The following GPR160 variants were observed in gnomAD, a reference collection of about 807,000 sequenced individuals.
GPR160 encodes the protein G protein-coupled receptor 160.
Under a neutral mutation model 2.6 loss-of-function variants are expected in GPR160, and 2 were observed. The observed-to-expected ratio is 0.77, with a 90% CI of 0.32 to 2.44. The LOEUF is 2.44. Ranked by LOEUF, GPR160 falls within the 30% of genes most tolerant of loss-of-function variation. GPR160 has a pLI of 0.11. For synonymous variants in GPR160, 130 were observed against 132.2 expected, an observed-to-expected ratio of 0.98 and a Z score of 0.12; for missense variants, 351 against 383.6, an observed-to-expected ratio of 0.91 and a Z score of 0.71.
chr3:170,050,171 T>C (rs1003159009), intron 2 of GPR160, among the ~76,000 whole-genome samples: 1 of 151,866 alleles, frequency 6.6e-6, no homozygotes, highest in Non-Finnish European at 1.5e-5. Context: ...GTGATTCTCC[T>C]GCCTCAGCCT....
chr3:170,077,504 C>G (rs999986758), intron 2 of GPR160: 8 of 152,092 alleles, frequency 5.3e-5, no homozygotes, highest in Admixed American at 2.6e-4. Flanking sequence ...ATAAGCTGAA[C>G]GCAGCTGTTC....
chr3:170,045,443 A>AC (rs200059747), intron 2 of GPR160, among the ~76,000 whole-genome samples: 7 of 131,472 alleles, frequency 5.3e-5, no homozygotes, highest in African/African-American at 2.4e-4. Context: ...AAAAAAAAAA[A>AC]AAAACCAATT....
At chr3:170,046,035 A>G (rs1716706796) in intron 2 of GPR160, among the ~76,000 whole-genome samples, 1 of 152,112 alleles carries the variant, frequency 6.6e-6, no homozygotes. Context: ...GTTAGCTATT[A>G]TTATTGTTGT....
At chr3:170,067,193 C>T (rs1408269290) in intron 2 of GPR160, among the ~76,000 whole-genome samples, 1 of 152,058 alleles carries the variant, frequency 6.6e-6, no homozygotes, top group Non-Finnish European at 1.5e-5. Context: ...TTAGTAGAGA[C>T]AGGATATTGC....
intron 2 of GPR160, among the ~76,000 whole-genome samples, chr3:170,044,021 A>G (rs550433269): frequency 2.2e-4 from 33 of 151,854 alleles, no homozygotes; most frequent in Admixed American, 2.1e-3. Context: ...CTCTACCCCA[A>G]ATGGAATAAC....
chr3:170,055,284 A>C (rs1711579423), intron 2 of GPR160, among the ~76,000 whole-genome samples: 1 of 152,194 alleles, frequency 6.6e-6, no homozygotes, highest in African/African-American at 2.4e-5. Context: ...ACCCCGGCTG[A>C]TTGGGTCCTG....
At chr3:170,052,473 A>C (rs1374931590) in intron 2 of GPR160, among the ~76,000 whole-genome samples, 3 of 152,216 alleles carry the variant, frequency 2.0e-5, no homozygotes, top group Non-Finnish European at 2.9e-5. Flanking sequence ...CTTTATCCTG[A>C]TAACTAATGA....
intron 2 of GPR160, among the ~76,000 whole-genome samples, chr3:170,061,909 G>A (rs868253797): frequency 6.6e-6 from 1 of 152,164 alleles, no homozygotes; most frequent in Non-Finnish European, 1.5e-5. Context: ...AGCACTTTGG[G>A]AGGCGGAGGT....
Position 170,050,513 on chromosome 3 carries a change from TCTC to T in GPR160, c.-193+11473_-193+11475del, listed in dbSNP as rs529679251. On this transcript the variant is annotated intron_variant, in intron 2 of 3. Transcript: ENST00000355897. ...CCTCCACCTGCCAGGTTCAAGTAAT[TCTC>T]CTGCCTCAGCCTCCCAAGCAGCTGG... Among the ~76,000 whole-genome samples the T allele has an allele frequency of 1.2e-4, 19 of 152,094 alleles. No individual in the cohort carries two copies. The East Asian group carries it at 2.9e-3, about 23-fold the overall frequency.
In GPR160 at chr3:170,084,024, A is replaced by T; in HGVS notation, c.52A>T (p.Thr18Ser). The change falls in exon 4 of 4, where the codon ACA becomes TCA. Residue 18 changes from threonine to serine, a missense_variant. Coordinates refer to ENST00000355897, the MANE Select transcript of GPR160 (RefSeq NM_014373.3). ...CTCTTTTCAGTACCAGTTACGTCAA[A>T]CAAACCAGCCCCTAGATGTTAACTA... ...NCSFQYQLRQ[T>S]NQPLDVNYLL... is the part of the protein sequence containing the mutation. The T allele has an allele frequency of 6.4e-7, 1 of 1,561,572 alleles. No individual in the cohort carries two copies. Among genetic ancestry groups the T allele is most frequent in the Non-Finnish European group, 8.6e-7 (1 of 1,160,500 alleles).
chr3:170,055,482 T>TG (rs1205204769), intron 2 of GPR160, among the ~76,000 whole-genome samples: 2 of 151,758 alleles, frequency 1.3e-5, no homozygotes, highest in Admixed American at 1.3e-4. Flanking sequence ...GGATGGAGAG[T>TG]GGGGTCTCAG....
intron 3 of GPR160, among the ~76,000 whole-genome samples, chr3:170,082,973 G>GT (rs34311852): frequency 0.24 from 32,436 of 136,210 alleles, 4,034 homozygotes; most frequent in East Asian, 0.48. Flanking sequence ...CATTTTTGGG[G>GT]TTTTTTTTTT....
intron 2 of GPR160, among the ~76,000 whole-genome samples, chr3:170,070,909 A>T (rs1214617469): frequency 6.6e-6 from 1 of 152,172 alleles, no homozygotes; most frequent in South Asian, 2.1e-4. Context: ...AAGTTAAAAC[A>T]CTCATTTTTA....
At chr3:170,066,130 C>CTTTTTTTTTTTTTTTTTTTTT (rs768660597) in intron 2 of GPR160, among the ~76,000 whole-genome samples, 6 of 85,170 alleles carry the variant, frequency 7.0e-5, no homozygotes, top group African/African-American at 1.5e-4. Context: ...TTTTCTTTTT[C>CTTTTTTTTTTTTTTTTTTTTT]TTTTTTTTTT....
intron 2 of GPR160, among the ~76,000 whole-genome samples, chr3:170,044,379 A>C (rs1448913786): frequency 1.3e-5 from 2 of 150,618 alleles, no homozygotes; most frequent in African/African-American, 4.9e-5. Context: ...CCTTTGAGGA[A>C]ATGAGAGTCT....
intron 2 of GPR160, among the ~76,000 whole-genome samples, chr3:170,042,884 CT>C (rs200374138): frequency 0.44 from 55,005 of 123,980 alleles, 12,043 homozygotes; most frequent in East Asian, 0.73. Flanking sequence ...TCTTCACACA[CT>C]TTTTTTTTTT....
chr3:170,041,802 T>C (rs1362325208), intron 2 of GPR160, among the ~76,000 whole-genome samples: 2 of 152,200 alleles, frequency 1.3e-5, no homozygotes, highest in Non-Finnish European at 2.9e-5. Flanking sequence ...AACTTTATTT[T>C]ATACCTCAGT....
chr3:170,052,352 T>C (rs1716995036), intron 2 of GPR160, among the ~76,000 whole-genome samples: 1 of 152,242 alleles, frequency 6.6e-6, no homozygotes, highest in African/African-American at 2.4e-5. Flanking sequence ...AACAGCAGCG[T>C]ATAGGAGTTC....
chr3:170,062,619 C>A, intron 2 of GPR160: 1 of 1,351,958 alleles, frequency 7.4e-7, no homozygotes, highest in Non-Finnish European at 1.0e-6. Context: ...CTTCCAAAAC[C>A]TCCGGCCTCG....
Sources: allele counts gnomAD v4.1 joint callset (sites outside exome capture counted in the v4.1 genomes callset), GRCh38; gene constraint gnomAD v4.1.1; transcripts MANE v1.5; gene names NCBI Gene and HGNC (gene_info 2026-07-23, HGNC 2026-07-21).